Variants in DENND1A observed in about 807,000 individuals in gnomAD.
DENND1A encodes the protein DENN domain-containing protein 1A.
Under a neutral mutation model 113.7 loss-of-function variants are expected in DENND1A, and 51 were observed. That is an observed-to-expected ratio of 0.45 (90% CI 0.36 to 0.57). The LOEUF (loss-of-function observed/expected upper bound fraction) is 0.57. Ranked by LOEUF, DENND1A falls within the 20% of genes least tolerant of loss-of-function variation. The probability of loss-of-function intolerance (pLI) is 0.00; values close to 1 mark genes in which losing one functional copy is unlikely to be tolerated. For missense variants in DENND1A, 1,258 were observed against 1,395.9 expected, an observed-to-expected ratio of 0.90 and a Z score of 1.57; for synonymous variants, 565 against 570.8, an observed-to-expected ratio of 0.99 and a Z score of 0.14.
At chr9:123,394,157 ATTTT>A (rs1218407357) in intron 21 of DENND1A, among the ~76,000 whole-genome samples, 3 of 151,498 alleles carry the variant, frequency 2.0e-5, no homozygotes, top group Non-Finnish European at 4.4e-5. Context: ...ATGCCTGGCT[ATTTT>A]TTTTATTTTT....
intron 5 of DENND1A, among the ~76,000 whole-genome samples, chr9:123,681,587 G>T (rs2064462225): frequency 6.6e-6 from 1 of 152,154 alleles, no homozygotes. Context: ...TCAGAAGAGA[G>T]TTACAAATCC....
intron 2 of DENND1A, among the ~76,000 whole-genome samples, chr9:123,847,557 G>A (rs568346200): frequency 6.6e-6 from 1 of 152,264 alleles, no homozygotes; most frequent in South Asian, 2.1e-4. Context: ...ACAAAACTAA[G>A]ATATTTGCCA....
At chr9:123,460,037 T>C (rs976556538) in intron 13 of DENND1A, among the ~76,000 whole-genome samples, 1 of 152,128 alleles carries the variant, frequency 6.6e-6, no homozygotes, top group African/African-American at 2.4e-5. Context: ...TAAAAAGTAT[T>C]TGTTTGGGAA....
intron 13 of DENND1A, among the ~76,000 whole-genome samples, chr9:123,514,156 G>T (rs1401901163): frequency 1.3e-5 from 2 of 150,870 alleles, no homozygotes; most frequent in African/African-American, 2.4e-5. Flanking sequence ...TCAGCCTAAG[G>T]TGGGTGACTA....
chr9:123,910,794 T>C (rs1853815328), intron 1 of DENND1A, among the ~76,000 whole-genome samples: 1 of 152,020 alleles, frequency 6.6e-6, no homozygotes. Context: ...ACAAGAATTA[T>C]CCAGGCGTGG....
At chr9:123,443,490 T>G (rs2047077711) in intron 18 of DENND1A, among the ~76,000 whole-genome samples, 1 of 152,240 alleles carries the variant, frequency 6.6e-6, no homozygotes, top group Admixed American at 6.5e-5. Context: ...CAAAAAGCAG[T>G]GCTGCACCTT....
chr9:123,586,300 T>C (rs546226875), intron 11 of DENND1A, among the ~76,000 whole-genome samples: 3 of 152,290 alleles, frequency 2.0e-5, no homozygotes, highest in Admixed American at 6.5e-5. Flanking sequence ...GCCTTGTTTC[T>C]GTGCTCCCAT....
intron 9 of DENND1A, among the ~76,000 whole-genome samples, chr9:123,648,891 C>T (rs1485173810): frequency 6.6e-6 from 1 of 152,098 alleles, no homozygotes; most frequent in Non-Finnish European, 1.5e-5. Flanking sequence ...ACAATGCCAC[C>T]TTTTATAAAA....
At chr9:123,748,036 A>G (rs1482767963) in intron 5 of DENND1A, among the ~76,000 whole-genome samples, 1 of 152,226 alleles carries the variant, frequency 6.6e-6, no homozygotes. Flanking sequence ...CATTATAGCA[A>G]ATGCATTTTT....
intron 3 of DENND1A, among the ~76,000 whole-genome samples, chr9:123,779,924 G>A (rs889718371): frequency 4.0e-5 from 6 of 150,574 alleles, no homozygotes; most frequent in African/African-American, 2.5e-5. Flanking sequence ...GTGCAGTGGC[G>A]AGATCTCGGC....
At chr9:123,557,845 G>A in intron 12 of DENND1A, 150 bp from the exon 13 acceptor site, 2 of 926,076 alleles carry the variant, frequency 2.2e-6, no homozygotes, top group Non-Finnish European at 3.1e-6. Context: ...AACGTGTTCA[G>A]GCTGGGTGCA....
intron 2 of DENND1A, among the ~76,000 whole-genome samples, chr9:123,839,257 C>T (rs1402619150): frequency 2.0e-5 from 3 of 152,134 alleles, no homozygotes; most frequent in Non-Finnish European, 4.4e-5. Flanking sequence ...CATGACTTTC[C>T]GGTTCCAATT....
At position 123,513,354 on chromosome 9, in the gene DENND1A, C is replaced by T. The variant is rs190760890; in HGVS notation, c.993+44216G>A. ...CTGTTTCTAAGTCCTCTTTATACGT[C>T]GGATGCATGTTACTCAAACTTTCAA... On this transcript the variant is annotated intron_variant, in intron 13 of 23. Coordinates refer to ENST00000394215, the MANE Select transcript of DENND1A (RefSeq NM_001352964.2). Among the ~76,000 whole-genome samples, 10 of 152,328 alleles carry T rather than the reference C, an allele frequency of 6.6e-5. No individual in the cohort carries two copies. In the East Asian group the frequency reaches 1.9e-3, roughly 29 times the overall value.
intron 13 of DENND1A, among the ~76,000 whole-genome samples, chr9:123,477,967 C>A (rs1447395964): frequency 6.6e-6 from 1 of 152,136 alleles, no homozygotes; most frequent in East Asian, 1.9e-4. Context: ...AGTGCAAGTT[C>A]TCAGAGGGGT....
rs2045355336 is a variant in DENND1A, at chr9:123,422,078, C to T, written c.1489-10249G>A. On this transcript the variant is annotated intron_variant, in intron 19 of 23. Transcript: ENST00000394215. This position sits in a 1 kb window ranked among gnomAD's most constrained non-coding sequence, Gnocchi z 4.8. ...CTATTCCTGGCCCACAAAAGTCGGG[C>T]ACTCCTACCTCTGTCCTTCCCCTAA... 6.6e-6 allele frequency among the ~76,000 whole-genome samples: 1 copy of T among 152,212 alleles called. No individual in the cohort carries two copies. The highest frequency in any genetic ancestry group is 1.5e-5 in the Non-Finnish European group (1 of 68,034).
chr9:123,645,940 G>A (rs1221519110), intron 9 of DENND1A, among the ~76,000 whole-genome samples: 1 of 152,138 alleles, frequency 6.6e-6, no homozygotes, highest in Non-Finnish European at 1.5e-5. Flanking sequence ...TATCCTCTCA[G>A]AGGCCAGTCA....
At chr9:123,864,305 A>G (rs562607666) in intron 2 of DENND1A, among the ~76,000 whole-genome samples, 1 of 152,338 alleles carries the variant, frequency 6.6e-6, no homozygotes, top group South Asian at 2.1e-4. Flanking sequence ...AGCCATAATT[A>G]AAACCCAAGT....
At chr9:123,546,402 A>G (rs1389006399) in intron 13 of DENND1A, among the ~76,000 whole-genome samples, 1 of 151,866 alleles carries the variant, frequency 6.6e-6, no homozygotes, top group Non-Finnish European at 1.5e-5. Flanking sequence ...CAAAAAAAAA[A>G]GTAGCCGGGC....
In DENND1A at chr9:123,651,999, GACTGTCTACTC is replaced by G. The variant is rs756071063; in HGVS notation, c.618+3_618+13del. ...TAGATCATTAAAAAGCCAGTCTTAA[GACTGTCTACTC>G]ACAGTGCTGAGTTTGCTGCAAATGA... On this transcript the variant is annotated splice_donor_5th_base_variant and intron_variant, in intron 9 of 23. Transcript: ENST00000394215. The G allele has an allele frequency of 6.2e-7, 1 of 1,609,956 alleles. No individual in the cohort carries two copies. The highest frequency in any genetic ancestry group is 1.1e-5 in the South Asian group (1 of 90,644).
Sources: gnomAD v4.1 joint callset for allele counts (sites outside exome capture counted in the v4.1 genomes callset) on GRCh38, gnomAD v4.1.1 for gene constraint, Gnocchi (gnomAD v3.1) non-coding constraint, MANE v1.5 for transcripts, NCBI Gene and HGNC (gene_info 2026-07-23, HGNC 2026-07-21) for gene names.